The following CSMD1 variants were observed in gnomAD, a reference collection of about 807,000 sequenced individuals.
CSMD1 encodes the protein CUB and Sushi multiple domains 1, also known as CUB and sushi domain-containing protein 1.
Under a neutral mutation model 417.5 loss-of-function variants are expected in CSMD1, and 213 were observed. That is an observed-to-expected ratio of 0.51 (90% CI 0.46 to 0.57). The LOEUF (loss-of-function observed/expected upper bound fraction) is 0.57. Among genes scored for constraint, CSMD1 ranks in the 20% least tolerant of loss-of-function variants. CSMD1 has a pLI of 0.00. For synonymous variants in CSMD1, 2,862 were observed against 1,736.8 expected (o/e 1.65, Z -16.11); for missense variants, 6,923 against 4,529.7 (o/e 1.53, Z -15.17).
intron 2 of CSMD1, among the ~76,000 whole-genome samples, chr8:4,488,946 C>G (rs182500042): frequency 2.6e-3 from 397 of 152,314 alleles, no homozygotes; most frequent in Middle Eastern, 0.01. Context: ...GAGTCTTGCT[C>G]TTTCACCCAG....
chr8:2,962,665 C>A (rs4875859), intron 60 of CSMD1, 26 bp from the exon 61 acceptor site: 264,492 of 1,604,486 alleles, frequency 0.16, 23,863 homozygotes, highest in African/African-American at 0.35. Flanking sequence ...AGGAAGAAGT[C>A]AGCCTTCAAC....
chr8:3,268,379 C>G (rs1801592655), intron 26 of CSMD1, among the ~76,000 whole-genome samples: 1 of 148,720 alleles, frequency 6.7e-6, no homozygotes, highest in Admixed American at 6.8e-5. Context: ...AGCTCCGCCT[C>G]CGAGGTTCAC....
chr8:3,597,454 G>A (rs541371442), intron 8 of CSMD1, among the ~76,000 whole-genome samples: 1 of 150,732 alleles, frequency 6.6e-6, no homozygotes, highest in African/African-American at 2.5e-5. Context: ...ACCTAGAGAA[G>A]TTATTTTCAG....
intron 1 of CSMD1, among the ~76,000 whole-genome samples, chr8:4,888,093 A>G: frequency 6.6e-6 from 1 of 152,110 alleles, no homozygotes; most frequent in Non-Finnish European, 1.5e-5. Context: ...AAAAATACAT[A>G]TGTACACTCT....
chr8:3,489,270 G>A (rs1168938567), intron 11 of CSMD1, among the ~76,000 whole-genome samples: 1 of 152,146 alleles, frequency 6.6e-6, no homozygotes, highest in South Asian at 2.1e-4. Context: ...CCAGTATCCT[G>A]ATTTGTTAAT....
At chr8:4,345,081 GA>G (rs1800703787) in intron 3 of CSMD1, among the ~76,000 whole-genome samples, 1 of 152,150 alleles carries the variant, frequency 6.6e-6, no homozygotes, top group Non-Finnish European at 1.5e-5. Context: ...TTGGGGCTTA[GA>G]AAGAGGAGAA....
intron 4 of CSMD1, among the ~76,000 whole-genome samples, chr8:4,021,190 G>A (rs1563327259): frequency 6.6e-6 from 1 of 152,158 alleles, no homozygotes; most frequent in Non-Finnish European, 1.5e-5. Flanking sequence ...TTGCAAAATG[G>A]CATAACTGAA....
At chr8:3,610,405 C>A (rs1801832361) in intron 8 of CSMD1, among the ~76,000 whole-genome samples, 1 of 151,956 alleles carries the variant, frequency 6.6e-6, no homozygotes, top group Non-Finnish European at 1.5e-5. Flanking sequence ...GTCAGTGGCT[C>A]ATGCTTATAC....
chr8:4,398,595 C>T (rs1804429721), intron 3 of CSMD1, among the ~76,000 whole-genome samples: 2 of 151,910 alleles, frequency 1.3e-5, no homozygotes, highest in African/African-American at 4.8e-5. Context: ...CGGGGTTTCA[C>T]CGTGTTAGCC....
chr8:4,010,412 T>G (rs565970674), intron 4 of CSMD1, among the ~76,000 whole-genome samples: 1 of 152,158 alleles, frequency 6.6e-6, no homozygotes, highest in Non-Finnish European at 1.5e-5. Flanking sequence ...TCTGCACAAA[T>G]TCTCGGTCAT....
intron 4 of CSMD1, among the ~76,000 whole-genome samples, chr8:4,000,044 C>G (rs560877010): frequency 6.7e-4 from 102 of 152,356 alleles, no homozygotes; most frequent in African/African-American, 2.4e-3. Flanking sequence ...TGTGTGTATA[C>G]TACAATTTGA....
chr8:3,944,944 G>A (rs1003436403), intron 5 of CSMD1, among the ~76,000 whole-genome samples: 1 of 152,060 alleles, frequency 6.6e-6, no homozygotes, highest in Non-Finnish European at 1.5e-5. Context: ...GTTATTCTTC[G>A]ACATTACAAG....
Position 2,974,571 on chromosome 8 carries a change from G to C in CSMD1, c.8620C>G (p.Leu2874Val), listed in dbSNP as rs1253536159. ...VPANAVLTGE[L>V]FTYGAVVHYS... ...TGCACGACGGCGCCATAGGTAAACA[G>C]CTCTCCAGTGAGGACGGCGTTGGCA... The change falls in exon 56 of 70, where the codon CTG becomes GTG. Residue 2874 changes from leucine (L) to valine (V), a missense_variant. Coordinates refer to ENST00000635120, the MANE Select transcript of CSMD1 (RefSeq NM_033225.6). 1.2e-6 allele frequency: 2 copies of C among 1,612,734 alleles called. No individual in the cohort carries two copies. Among genetic ancestry groups the C allele is most frequent in the African/African-American group, 1.3e-5 (1 of 74,904 alleles).
chr8:4,776,132 C>A (rs1796841714), intron 1 of CSMD1, among the ~76,000 whole-genome samples: 2 of 152,018 alleles, frequency 1.3e-5, no homozygotes, highest in African/African-American at 4.8e-5. Flanking sequence ...CACAGATGAT[C>A]CAGAACACCA....
intron 10 of CSMD1, among the ~76,000 whole-genome samples, chr8:3,519,834 T>C (rs1161675645): frequency 6.6e-6 from 1 of 152,140 alleles, no homozygotes; most frequent in Non-Finnish European, 1.5e-5. Context: ...CTTACCATGG[T>C]ATCAACCATC....
intron 1 of CSMD1, among the ~76,000 whole-genome samples, chr8:4,790,507 A>G (rs902326964): frequency 6.6e-6 from 1 of 152,222 alleles, no homozygotes; most frequent in Non-Finnish European, 1.5e-5. Flanking sequence ...GAACCAAAAA[A>G]GAGACCGAAA....
At chr8:4,550,178 A>C (rs1276736585) in intron 2 of CSMD1, among the ~76,000 whole-genome samples, 1 of 151,930 alleles carries the variant, frequency 6.6e-6, no homozygotes, top group Non-Finnish European at 1.5e-5. Flanking sequence ...AAAGAAGTTC[A>C]TGGGATGTGC....
intron 7 of CSMD1, among the ~76,000 whole-genome samples, chr8:3,707,253 T>C (rs780522929): frequency 5.3e-5 from 8 of 152,240 alleles, no homozygotes; most frequent in Non-Finnish European, 1.2e-4. Context: ...AGCAGAATAT[T>C]TGTTGCATAT....
At chr8:4,797,334 T>A (rs1181614580) in intron 1 of CSMD1, among the ~76,000 whole-genome samples, 1 of 152,136 alleles carries the variant, frequency 6.6e-6, no homozygotes, top group African/African-American at 2.4e-5. Flanking sequence ...AGAGTGCACC[T>A]GGAATGAAGC....
Sources: allele counts gnomAD v4.1 joint callset (sites outside exome capture counted in the v4.1 genomes callset), GRCh38; gene constraint gnomAD v4.1.1; transcripts MANE v1.5; gene names NCBI Gene and HGNC (gene_info 2026-07-23, HGNC 2026-07-21).